UBR3: variants seen among roughly 807,000 people sequenced by gnomAD.
The protein encoded by UBR3 is E3 ubiquitin-protein ligase UBR3.
Under a neutral mutation model 243.2 loss-of-function variants are expected in UBR3, and 85 were observed. That is an observed-to-expected ratio of 0.35 (90% CI 0.29 to 0.42). UBR3 has a LOEUF of 0.42. Ranked by LOEUF, UBR3 falls within the 10% of genes least tolerant of loss-of-function variation. The pLI is 1.00. For missense variants in UBR3, 1,686 were observed against 2,300.8 expected (o/e 0.73, Z 5.47); for synonymous variants, 748 against 799.8 (o/e 0.94, Z 1.09).
At chr2:170,060,128 A>G (rs1023245713) in intron 33 of UBR3, among the ~76,000 whole-genome samples, 1 of 152,160 alleles carries the variant, frequency 6.6e-6, no homozygotes, top group East Asian at 1.9e-4. Flanking sequence ...ATCCCTTCCT[A>G]TATTTTAGGA....
intron 6 of UBR3, among the ~76,000 whole-genome samples, chr2:169,892,110 G>T (rs956588167): frequency 6.6e-6 from 1 of 152,188 alleles, no homozygotes; most frequent in African/African-American, 2.4e-5. Context: ...TGAGTTGCAG[G>T]TTCCTTTTCT....
intron 24 of UBR3, among the ~76,000 whole-genome samples, chr2:169,974,684 T>A (rs773739217): frequency 1.3e-5 from 2 of 152,196 alleles, no homozygotes; most frequent in African/African-American, 2.4e-5. Flanking sequence ...TATTATTTCC[T>A]TCCTCTTGCT....
At chr2:169,866,621 C>G (rs533040170) in intron 1 of UBR3, among the ~76,000 whole-genome samples, 27 of 152,174 alleles carry the variant, frequency 1.8e-4, no homozygotes, top group Admixed American at 1.6e-3. Context: ...CCTCGGCCCC[C>G]CAAAGTACTG....
In UBR3 at chr2:169,926,888, T is replaced by G; in HGVS notation, c.2255T>G (p.Val752Gly). ...ATGGCATCACAACATCAAAATACAG[T>G]ACTTGATGCAGAGCATGAGAGGTCG... is the stretch of plus-strand genomic sequence containing the variant. ...LTMASQHQNT[V>G]LDAEHERSML... Residue 752 changes from valine (V) to glycine (G), a missense_variant, in exon 16 of 39, where the codon GTA becomes GGA. Physicochemically the swap from Val to Gly is moderately radical, Grantham distance 109. Transcript: ENST00000272793. The G allele has an allele frequency of 1.3e-6, 2 of 1,550,836 alleles. No homozygotes were observed. The highest frequency in any genetic ancestry group is 8.7e-7 in the Non-Finnish European group (1 of 1,146,320).
At chr2:169,837,073 G>A (rs1395964842) in intron 1 of UBR3, among the ~76,000 whole-genome samples, 1 of 152,158 alleles carries the variant, frequency 6.6e-6, no homozygotes, top group African/African-American at 2.4e-5. Flanking sequence ...GTTTTCTACT[G>A]AAAGATTTAA....
chr2:170,048,387 T>C (rs1354733634), intron 32 of UBR3, among the ~76,000 whole-genome samples: 1 of 152,256 alleles, frequency 6.6e-6, no homozygotes, highest in Non-Finnish European at 1.5e-5. Flanking sequence ...CATCATGCTG[T>C]TGCCACCATT....
At chr2:170,052,179 G>C (rs1454274723) in intron 32 of UBR3, among the ~76,000 whole-genome samples, 1 of 152,004 alleles carries the variant, frequency 6.6e-6, no homozygotes, top group Non-Finnish European at 1.5e-5. Context: ...TACCTCCAAA[G>C]GTCCATGAAA....
intron 11 of UBR3, among the ~76,000 whole-genome samples, chr2:169,919,884 T>C (rs960655702): frequency 2.0e-5 from 3 of 152,130 alleles, no homozygotes; most frequent in African/African-American, 4.8e-5. Flanking sequence ...AGTTCAACCA[T>C]TGTGGAAGTC....
intron 2 of UBR3, 70 bp downstream of exon 2, chr2:169,872,445 A>G (rs1366198255): frequency 1.8e-6 from 2 of 1,140,496 alleles, no homozygotes; most frequent in Non-Finnish European, 1.2e-6. Flanking sequence ...AGTATTAATT[A>G]TGAGGTGAAT....
intron 1 of UBR3, among the ~76,000 whole-genome samples, chr2:169,846,207 A>T (rs1045811794): frequency 5.9e-5 from 9 of 152,042 alleles, no homozygotes; most frequent in Non-Finnish European, 4.4e-5. Flanking sequence ...TGAAGTTGTC[A>T]ATTTTTGCTG....
chr2:170,077,567 A>T, intron 36 of UBR3: 1 of 607,822 alleles, frequency 1.6e-6, no homozygotes, highest in Admixed American at 2.9e-5. Flanking sequence ...ATCCTCCTCT[A>T]TGCCTGCGTC....
At chr2:169,928,325 A>G (rs1391410114) in intron 17 of UBR3, among the ~76,000 whole-genome samples, 1 of 152,130 alleles carries the variant, frequency 6.6e-6, no homozygotes, top group Non-Finnish European at 1.5e-5. Context: ...TGTTTTTGGA[A>G]AAACAATCTT....
intron 35 of UBR3, among the ~76,000 whole-genome samples, chr2:170,064,906 G>A (rs893379872): frequency 1.1e-4 from 16 of 149,650 alleles, no homozygotes; most frequent in East Asian, 9.9e-4. Context: ...GCAGTGGCGC[G>A]GTCTCGGCTC....
rs72194627 is a variant in UBR3, at chr2:169,983,252, C to CTTTTTTTTTTTTTTTTTTT, written c.3635-3389_3635-3371dup. On this transcript the variant is annotated intron_variant, in intron 24 of 38. Coordinates refer to ENST00000272793, the MANE Select transcript of UBR3 (RefSeq NM_172070.4). The stretch of plus-strand genomic sequence containing the variant: ...TGTTGTTTTTGCCACATTCTCTCTC[C>CTTTTTTTTTTTTTTTTTTT]TTTTTTTTTTTTTTTTTTTTTTGAG... Among the ~76,000 whole-genome samples, 15 of 72,000 alleles carry CTTTTTTTTTTTTTTTTTTT rather than the reference C, an allele frequency of 2.1e-4. 2 individuals are homozygous for CTTTTTTTTTTTTTTTTTTT. The highest frequency in any genetic ancestry group is 8.3e-4 in the African/African-American group (14 of 16,890). 47.2% of individuals were successfully genotyped at this position (72,000 alleles called of 152,430 possible).
In UBR3 at chr2:169,835,998, TCTCTCTCTCTCTCTC is replaced by T. The variant is rs2082077410; in HGVS notation, c.545+7947_545+7961del. ...CTGAAATTCCTGTGTGCACTGTCTC[TCTCTCTCTCTCTCTC>T]TCTCTCTCTCTCTCTCTCTCTCTCT... On this transcript the variant is annotated intron_variant, in intron 1 of 38. Transcript: ENST00000272793. 7.6e-3 allele frequency among the ~76,000 whole-genome samples: 244 copies of T among 32,102 alleles called. 8 individuals are homozygous for T. The highest frequency in any genetic ancestry group is 0.025 in the Middle Eastern group (1 of 40). 21.1% of individuals were successfully genotyped at this position (32,102 alleles called of 152,430 possible). A position where few individuals can be genotyped will look rare whatever the true frequency, so the allele number is the denominator to read the frequency against.
chr2:169,867,419 T>G (rs983881000), intron 1 of UBR3, among the ~76,000 whole-genome samples: 1 of 152,228 alleles, frequency 6.6e-6, no homozygotes, highest in Non-Finnish European at 1.5e-5. Flanking sequence ...ATAGTTTGGT[T>G]CACTTTTCTT....
Position 169,872,242 on chromosome 2 carries a change from CA to C in UBR3, c.556del (p.Arg186GlyfsTer18). 1 of 1,517,236 alleles carries C rather than the reference CA, an allele frequency of 6.6e-7. No homozygotes were observed. The highest frequency in any genetic ancestry group is 2.2e-5 in the Admixed American group (1 of 45,240). 94.0% of individuals were successfully genotyped at this position (1,517,236 alleles called of 1,614,324 possible). A position where few individuals can be genotyped will look rare whatever the true frequency, so the allele number is the denominator to read the frequency against. ...SNVMRESGFC[K>X]RHQIKSSSNI... Reference sequence around the variant, plus strand: ...TTTCTTTTTCATATTACAGGTTTTGCAAAAGGCATCAAATTAAATCAAGTTC... The same window carrying C: ...TTTCTTTTTCATATTACAGGTTTTGCAAAGGCATCAAATTAAATCAAGTTC... On this transcript the variant is annotated frameshift_variant, in exon 2 of 39. Coordinates refer to ENST00000272793, the MANE Select transcript of UBR3 (RefSeq NM_172070.4). LOFTEE classifies it high-confidence loss of function.
At chr2:170,003,612 C>T (rs1226569883) in intron 27 of UBR3, among the ~76,000 whole-genome samples, 2 of 152,020 alleles carry the variant, frequency 1.3e-5, no homozygotes, top group South Asian at 2.1e-4. Context: ...AGTTACAGTA[C>T]GCATGCTAAA....
At chr2:170,007,951 C>T (rs2089973440) in intron 28 of UBR3, among the ~76,000 whole-genome samples, 1 of 151,950 alleles carries the variant, frequency 6.6e-6, no homozygotes, top group South Asian at 2.1e-4. Context: ...ATATAAAACA[C>T]AATTTAATCA....
Sources: gnomAD v4.1 joint callset for allele counts (sites outside exome capture counted in the v4.1 genomes callset) on GRCh38, gnomAD v4.1.1 for gene constraint, MANE v1.5 for transcripts, NCBI Gene and HGNC (gene_info 2026-07-23, HGNC 2026-07-21) for gene names.